TTYH2: variants seen among roughly 807,000 people sequenced by gnomAD.
The protein encoded by TTYH2 is tweety family member 2.
Under a neutral mutation model 68.3 loss-of-function variants are expected in TTYH2, and 49 were observed. The observed-to-expected ratio is 0.72, with a 90% CI of 0.57 to 0.91. The LOEUF (loss-of-function observed/expected upper bound fraction) is 0.91. Ranked by LOEUF, TTYH2 falls within the 40% of genes least tolerant of loss-of-function variation. The probability of loss-of-function intolerance (pLI) is 0.00; values close to 1 mark genes in which losing one functional copy is unlikely to be tolerated. For synonymous variants in TTYH2, 272 were observed against 300.8 expected (o/e 0.90, Z 0.99); for missense variants, 631 against 700.4 (o/e 0.90, Z 1.12).
chr17:74,222,884 C>G lies in TTYH2; in HGVS notation c.302+227C>G, dbSNP rs1286790555. The stretch of plus-strand genomic sequence containing the variant: ...CAAGTGGCCCCCCACAAACCCTGCC[C>G]CAATGTGGGTTTGTCCTGTGCCCAG... On this transcript the variant is annotated intron_variant, in intron 2 of 13. Transcript: ENST00000269346. This position sits in a 1 kb window ranked among gnomAD's most constrained non-coding sequence, Gnocchi z 5.2. Among the ~76,000 whole-genome samples the G allele has an allele frequency of 2.6e-5, 4 of 152,110 alleles. No individual in the cohort carries two copies. The East Asian group carries it at 7.8e-4, about 30-fold the overall frequency.
chr17:74,252,235 A>G lies in TTYH2; in HGVS notation c.1118A>G (p.Asp373Gly). 6.2e-7 allele frequency: 1 copy of G among 1,612,432 alleles called. No homozygotes were observed. The highest frequency in any genetic ancestry group is 8.5e-7 in the Non-Finnish European group (1 of 1,179,994). The change falls in exon 11 of 14, where the codon GAT becomes GGT. Residue 373 changes from aspartate (D) to glycine (G), a missense_variant and splice_region_variant. Coordinates refer to ENST00000269346, the MANE Select transcript of TTYH2 (RefSeq NM_032646.6). Reference protein sequence around the residue: ...AMVDCRGLHKDYLDALAGICY... With the variant: ...AMVDCRGLHKGYLDALAGICY... ...TGCATGTCCCTCCTCTTCCTCCAGG[A>G]TTATCTGGACGCTCTTGCTGGCATC...
intron 2 of TTYH2, among the ~76,000 whole-genome samples, chr17:74,224,765 C>T (rs1439443298): frequency 6.6e-6 from 1 of 151,832 alleles, no homozygotes; most frequent in East Asian, 1.9e-4. Context: ...TTTGGGAGGC[C>T]AAGGTGGGTG....
At position 74,213,704 on chromosome 17, in the gene TTYH2, G is replaced by A. The variant is rs2050193890; in HGVS notation, c.117G>A (p.Glu39=). The A allele has an allele frequency of 5.0e-6, 8 of 1,612,172 alleles. No individual in the cohort carries two copies. The highest frequency in any genetic ancestry group is 6.8e-6 in the Non-Finnish European group (8 of 1,179,380). ...PVNSTFSPGD[E]SYQESLLFLG... ...ACAGCACCTTCAGCCCCGGCGACGA[G>A]AGTTACCAGGAGGTAAGTTTACGCC... Residue 39 remains glutamate, a synonymous_variant, in exon 1 of 14, where the codon GAG becomes GAA. Coordinates refer to ENST00000269346, the MANE Select transcript of TTYH2 (RefSeq NM_032646.6). The surrounding 1 kb of genome is among the most constrained non-coding windows in gnomAD (Gnocchi z 6.1).
At position 74,247,841 on chromosome 17, in the gene TTYH2, G is replaced by A. The variant is rs117237978; in HGVS notation, c.805-1170G>A. On this transcript the variant is annotated intron_variant, in intron 6 of 13. Transcript: ENST00000269346. ...TTCTCCCAGGGTCTTAAGTGCGTGC[G>A]TGCGTGCGTGCATGCGTGTGTGTGT... 671 of 148,524 alleles carry A rather than the reference G, an allele frequency of 4.5e-3. 3 individuals are homozygous for A. Among genetic ancestry groups the A allele is most frequent in the Middle Eastern group, 0.01 (3 of 290 alleles). 9.2% of individuals were successfully genotyped at this position (148,524 alleles called of 1,614,324 possible).
rs746839705 is a variant in TTYH2, at chr17:74,250,398, A to G, written c.1116+41A>G. ...GGGGTCACGTGGAGAGTGTGAGGGC[A>G]CCCAGCAGGCCACACCTTCCAGAGA... On this transcript the variant is annotated intron_variant, in intron 10 of 13. Transcript: ENST00000269346. The G allele has an allele frequency of 3.2e-6, 5 of 1,541,620 alleles. No homozygotes were observed. The South Asian group carries it at 5.7e-5, about 18-fold the overall frequency.
At chr17:74,224,312 A>G (rs1394196960) in intron 2 of TTYH2, among the ~76,000 whole-genome samples, 1 of 152,104 alleles carries the variant, frequency 6.6e-6, no homozygotes, top group Non-Finnish European at 1.5e-5. Flanking sequence ...TGATGAGCCC[A>G]GGAGGCAGAG....
Position 74,215,614 on chromosome 17 carries a change from C to A in TTYH2, c.129+1898C>A. The stretch of plus-strand genomic sequence containing the variant: ...CCCACTGGCTCCTGGTCCCGCTCAC[C>A]CCCTCACCACCACTCAGATCGCTGA... On this transcript the variant is annotated intron_variant, in intron 1 of 13. Coordinates refer to ENST00000269346, the MANE Select transcript of TTYH2 (RefSeq NM_032646.6). The surrounding 1 kb of genome is among the most constrained non-coding windows in gnomAD (Gnocchi z 4.3). 1 of 1,535,340 alleles carries A rather than the reference C, an allele frequency of 6.5e-7. No individual in the cohort carries two copies. Among genetic ancestry groups the A allele is most frequent in the Non-Finnish European group, 8.7e-7 (1 of 1,146,774 alleles).
chr17:74,216,325 G>A (rs2050221279), intron 1 of TTYH2, among the ~76,000 whole-genome samples: 1 of 152,180 alleles, frequency 6.6e-6, no homozygotes, highest in African/African-American at 2.4e-5. Context: ...TGTGTGGGGT[G>A]TGGGGGGTGG....
At chr17:74,252,193 C>T (rs368662958) in intron 10 of TTYH2, 41 bp from the exon 11 acceptor site, 346 of 1,607,482 alleles carry the variant, frequency 2.2e-4, no homozygotes, top group Non-Finnish European at 2.7e-4. Flanking sequence ...AGGCTTTGCC[C>T]CCGCTCCTTC....
intron 2 of TTYH2, among the ~76,000 whole-genome samples, chr17:74,223,076 G>C (rs1349494865): frequency 6.6e-6 from 1 of 152,142 alleles, no homozygotes; most frequent in East Asian, 1.9e-4. Flanking sequence ...CCGTTAGCCA[G>C]TTCTTTGGTT....
chr17:74,248,041 T>A (rs2050578723), intron 6 of TTYH2: 1 of 152,688 alleles, frequency 6.5e-6, no homozygotes, highest in Admixed American at 6.5e-5. Flanking sequence ...GTCTATCAAC[T>A]TAGCAAGTTA....
chr17:74,239,617 G>A lies in TTYH2; in HGVS notation c.635+2103G>A, dbSNP rs761311197. ...GCAGAGGGAGCTCATGAAGTCCCCA[G>A]CTCTGGGGGTCCTCCCCACACCTTG... On this transcript the variant is annotated intron_variant, in intron 4 of 13. Transcript: ENST00000269346. The surrounding 1 kb of genome is among the most constrained non-coding windows in gnomAD (Gnocchi z 5.3). 6.6e-6 allele frequency among the ~76,000 whole-genome samples: 1 copy of A among 152,162 alleles called. No homozygotes were observed. The highest frequency in any genetic ancestry group is 1.5e-5 in the Non-Finnish European group (1 of 68,018).
chr17:74,253,556 G>C (rs9899346), intron 12 of TTYH2, among the ~76,000 whole-genome samples, 199 bp from the exon 13 acceptor site: 37,629 of 151,996 alleles, frequency 0.25, 5,023 homozygotes, highest in African/African-American at 0.32. Flanking sequence ...CCCAGCCTCC[G>C]TTGCCCATCA....
At chr17:74,238,599 G>A (rs992054297) in intron 4 of TTYH2, among the ~76,000 whole-genome samples, 2 of 152,058 alleles carry the variant, frequency 1.3e-5, no homozygotes, top group Admixed American at 6.5e-5. Context: ...GGGACTGGTG[G>A]CTCACACCTA....
intron 13 of TTYH2, among the ~76,000 whole-genome samples, 179 bp downstream of exon 13, chr17:74,254,012 C>T (rs901579545): frequency 6.6e-6 from 1 of 152,168 alleles, no homozygotes; most frequent in African/African-American, 2.4e-5. Flanking sequence ...TGCAAAGATG[C>T]AAGAAATCTC....
At position 74,229,194 on chromosome 17, in the gene TTYH2, C is replaced by A. The variant is rs760073773; in HGVS notation, c.303-1694C>A. ...AGGATGTCGAGAGAGTCCACAATTCCTGGAGGTGTCAAGAGAGACCCAAGG... is the reference window on the plus strand; with the variant it reads ...AGGATGTCGAGAGAGTCCACAATTCATGGAGGTGTCAAGAGAGACCCAAGG... On this transcript the variant is annotated intron_variant, in intron 2 of 13. Transcript: ENST00000269346. Among the ~76,000 whole-genome samples the A allele has an allele frequency of 6.6e-5, 10 of 152,222 alleles. No homozygotes were observed. The South Asian group carries it at 8.3e-4, about 13-fold the overall frequency.
At chr17:74,229,242 A>AATGAGGTCTACTGAGAT (rs1314480352) in intron 2 of TTYH2, among the ~76,000 whole-genome samples, 1 of 152,168 alleles carries the variant, frequency 6.6e-6, no homozygotes, top group African/African-American at 2.4e-5. Flanking sequence ...ATGTGATCTC[A>AATGAGGTCTACTGAGAT]GTAGACCTCA....
At chr17:74,242,008 C>T (rs2050507425) in intron 4 of TTYH2, among the ~76,000 whole-genome samples, 1 of 152,142 alleles carries the variant, frequency 6.6e-6, no homozygotes, top group Non-Finnish European at 1.5e-5. Context: ...AGGGCAGGGC[C>T]TTTGAAGTCC....
rs772726272 is a variant in TTYH2, at chr17:74,213,603, G to A, written c.16G>A (p.Val6Met). 4 of 1,611,038 alleles carry A rather than the reference G, an allele frequency of 2.5e-6. No homozygotes were observed. Among genetic ancestry groups the A allele is most frequent in the Admixed American group, 1.7e-5 (1 of 59,884 alleles). The part of the protein sequence containing the change: MQAAR[V>M]DYIAPWWVVW... ...GGGCCGAGCCATGCAGGCGGCGCGCGTGGACTACATCGCTCCCTGGTGGGT... is the reference window on the plus strand; with the variant it reads ...GGGCCGAGCCATGCAGGCGGCGCGCATGGACTACATCGCTCCCTGGTGGGT... Residue 6 changes from valine to methionine, a missense_variant, in exon 1 of 14, where the codon GTG becomes ATG. Physicochemically the swap from Val to Met is conservative, Grantham distance 21 (BLOSUM62 1). Coordinates refer to ENST00000269346, the MANE Select transcript of TTYH2 (RefSeq NM_032646.6). This position sits in a 1 kb window ranked among gnomAD's most constrained non-coding sequence, Gnocchi z 6.1.
Sources: allele counts gnomAD v4.1 joint callset (sites outside exome capture counted in the v4.1 genomes callset), GRCh38; gene constraint gnomAD v4.1.1; non-coding constraint Gnocchi (gnomAD v3.1); transcripts MANE v1.5; gene names NCBI Gene and HGNC (gene_info 2026-07-23, HGNC 2026-07-21).